SYT14: variants seen among roughly 807,000 people sequenced by gnomAD.
SYT14 encodes the protein synaptotagmin-14.
Under a neutral mutation model 74.2 loss-of-function variants are expected in SYT14, and 32 were observed. That is an observed-to-expected ratio of 0.43 (90% CI 0.33 to 0.58). The LOEUF (loss-of-function observed/expected upper bound fraction) is 0.58. SYT14 is among the 20% of genes least tolerant of loss of function. SYT14 has a pLI of 0.05. For synonymous variants in SYT14, 298 were observed against 337.7 expected, an observed-to-expected ratio of 0.88 and a Z score of 1.29; for missense variants, 791 against 981.8, an observed-to-expected ratio of 0.81 and a Z score of 2.60.
At chr1:210,119,977 A>G (rs2082426666) in intron 7 of SYT14, among the ~76,000 whole-genome samples, 1 of 152,178 alleles carries the variant, frequency 6.6e-6, no homozygotes, top group Non-Finnish European at 1.5e-5. Context: ...TAATTCTACC[A>G]TTTTTGGTAA....
At chr1:210,051,721 A>T (rs2081000318) in intron 5 of SYT14, among the ~76,000 whole-genome samples, 1 of 152,196 alleles carries the variant, frequency 6.6e-6, no homozygotes, top group African/African-American at 2.4e-5. Flanking sequence ...GAATTCACAG[A>T]AATCTCCTTC....
At chr1:209,964,449 A>G (rs2079124109) in intron 2 of SYT14, among the ~76,000 whole-genome samples, 1 of 152,156 alleles carries the variant, frequency 6.6e-6, no homozygotes, top group Non-Finnish European at 1.5e-5. Context: ...TTCTGGAACC[A>G]CTATTACACT....
chr1:210,061,578 T>G (rs1308286371), intron 5 of SYT14, among the ~76,000 whole-genome samples: 1 of 151,924 alleles, frequency 6.6e-6, no homozygotes, highest in Non-Finnish European at 1.5e-5. Flanking sequence ...TGCTGTATCT[T>G]GACATGCTTA....
At chr1:210,123,500 A>G (rs2082508445) in intron 7 of SYT14, among the ~76,000 whole-genome samples, 2 of 152,240 alleles carry the variant, frequency 1.3e-5, no homozygotes, top group African/African-American at 4.8e-5. Flanking sequence ...TGAGATGTAT[A>G]GTTGTATTTC....
At chr1:210,000,499 C>A (rs995134255) in intron 2 of SYT14, among the ~76,000 whole-genome samples, 1 of 150,906 alleles carries the variant, frequency 6.6e-6, no homozygotes, top group South Asian at 2.1e-4. Context: ...CACACACACA[C>A]AATCTAAGAA....
chr1:210,129,324 C>T (rs2082629443), intron 7 of SYT14, among the ~76,000 whole-genome samples: 1 of 152,178 alleles, frequency 6.6e-6, no homozygotes, highest in South Asian at 2.1e-4. Context: ...TTCCATGCAT[C>T]AGCTGCATAA....
intron 2 of SYT14, among the ~76,000 whole-genome samples, chr1:210,006,328 G>A (rs1461274279): frequency 2.6e-5 from 4 of 151,820 alleles, no homozygotes; most frequent in Non-Finnish European, 4.4e-5. Flanking sequence ...TAATTGAAAT[G>A]TTATAAAAGG....
At chr1:210,168,076 TG>T in exon 10 of SYT14, 1 of 153,916 alleles carries the variant, frequency 6.5e-6, no homozygotes. Context: ...GTGGTGGTGG[TG>T]GTGGTGGTGG....
At chr1:210,132,630 C>A (rs1447397781) in intron 7 of SYT14, among the ~76,000 whole-genome samples, 1 of 150,844 alleles carries the variant, frequency 6.6e-6, no homozygotes, top group African/African-American at 2.4e-5. Flanking sequence ...TTGACCATTA[C>A]GCACATGTGG....
At chr1:209,957,939 C>T (rs973639581) in intron 2 of SYT14, among the ~76,000 whole-genome samples, 1 of 150,450 alleles carries the variant, frequency 6.6e-6, no homozygotes, top group African/African-American at 2.5e-5. Context: ...CTCTTTCTCC[C>T]CCTCCTTCCT....
At chr1:209,959,466 C>G (rs1183174850) in intron 2 of SYT14, among the ~76,000 whole-genome samples, 1 of 151,970 alleles carries the variant, frequency 6.6e-6, no homozygotes, top group African/African-American at 2.4e-5. Flanking sequence ...TCTTGATAGC[C>G]AAAAGGGAAA....
intron 2 of SYT14, among the ~76,000 whole-genome samples, chr1:209,983,733 A>C (rs1178840447): frequency 6.6e-6 from 1 of 152,166 alleles, no homozygotes; most frequent in Non-Finnish European, 1.5e-5. Flanking sequence ...TTTCTGTGAA[A>C]TTCTTTTATC....
chr1:210,121,503 T>C (rs1398676199), intron 7 of SYT14, among the ~76,000 whole-genome samples: 3 of 152,136 alleles, frequency 2.0e-5, no homozygotes, highest in Non-Finnish European at 4.4e-5. Flanking sequence ...TGGAAATATA[T>C]TCTGAGTAGG....
chr1:210,103,893 G>GT (rs2082114592), intron 7 of SYT14, among the ~76,000 whole-genome samples: 1 of 152,166 alleles, frequency 6.6e-6, no homozygotes, highest in Admixed American at 6.5e-5. Context: ...CATGTATTAT[G>GT]TTTTCTCTTC....
rs760681767 is a variant in SYT14, at chr1:209,938,327, CG to C, written c.-534+56del. 6.2e-5 allele frequency: 94 copies of C among 1,519,792 alleles called. No individual in the cohort carries two copies. In the African/African-American group the frequency reaches 1.1e-3, roughly 18 times the overall value. The allele number at this position is 1,519,792 out of a possible 1,614,324, so 94.1% of individuals were successfully genotyped here. Reference sequence around the variant, plus strand: ...GCGAGGACCGGGACCACCCAGCTGGCGGGGGGCTCGGAGGTGCGCCGGCAGG... The same window carrying C: ...GCGAGGACCGGGACCACCCAGCTGGCGGGGGCTCGGAGGTGCGCCGGCAGG... On this transcript the variant is annotated intron_variant, in intron 1 of 9. Transcript: ENST00000637265.
chr1:210,147,097 G>C (rs1572378930), intron 7 of SYT14, among the ~76,000 whole-genome samples: 1 of 151,784 alleles, frequency 6.6e-6, no homozygotes. Context: ...AGAACTAATA[G>C]GGCTCTGTGA....
chr1:209,979,495 G>T (rs1043054957), intron 2 of SYT14, among the ~76,000 whole-genome samples: 1 of 151,854 alleles, frequency 6.6e-6, no homozygotes, highest in African/African-American at 2.4e-5. Flanking sequence ...GCGAAGGTTT[G>T]TTGCAGAGGT....
chr1:210,060,850 A>AT, intron 5 of SYT14, among the ~76,000 whole-genome samples: 1 of 152,038 alleles, frequency 6.6e-6, no homozygotes, highest in South Asian at 2.1e-4. Flanking sequence ...TTTTTCTGCT[A>AT]TTTTCTTACA....
At chr1:210,077,834 A>G (rs112543429) in intron 5 of SYT14, among the ~76,000 whole-genome samples, 14 of 152,236 alleles carry the variant, frequency 9.2e-5, no homozygotes, top group African/African-American at 3.1e-4. Context: ...TTTTAAATAA[A>G]GAATTAAATA....
Sources: allele counts gnomAD v4.1 joint callset (sites outside exome capture counted in the v4.1 genomes callset), GRCh38; gene constraint gnomAD v4.1.1; transcripts MANE v1.5; gene names NCBI Gene and HGNC (gene_info 2026-07-23, HGNC 2026-07-21).